The following RBFOX1 variants were observed in gnomAD, a reference collection of about 807,000 sequenced individuals.
RBFOX1 encodes the protein RNA binding fox-1 homolog 1, also known as RNA binding protein fox-1 homolog 1.
In RBFOX1, 8 loss-of-function variants were observed where a neutral mutation model predicts 57.7. The ratio of observed to expected loss-of-function variants is 0.14; its 90% confidence interval spans 0.08 to 0.25. The LOEUF is 0.25. Ranked by LOEUF, RBFOX1 falls within the 10% of genes least tolerant of loss-of-function variation. The pLI is 1.00. For synonymous variants in RBFOX1, 326 were observed against 222.4 expected (o/e 1.47, Z -4.15); for missense variants, 611 against 548.5 (o/e 1.11, Z -1.14).
At chr16:5,373,346 C>T (rs1401632850) in intron 1 of RBFOX1, among the ~76,000 whole-genome samples, 1 of 152,116 alleles carries the variant, frequency 6.6e-6, no homozygotes, top group South Asian at 2.1e-4. Context: ...GGAGGAGGGA[C>T]CCGGTGGGAG....
intron 2 of RBFOX1, among the ~76,000 whole-genome samples, chr16:6,525,677 T>C (rs1400863469): frequency 6.6e-6 from 1 of 152,072 alleles, no homozygotes; most frequent in Non-Finnish European, 1.5e-5. Flanking sequence ...GATGGTGTCT[T>C]GTTGCTGTGT....
At chr16:6,884,378 C>G (rs1296656669) in intron 3 of RBFOX1, among the ~76,000 whole-genome samples, 3 of 152,118 alleles carry the variant, frequency 2.0e-5, no homozygotes, top group Non-Finnish European at 4.4e-5. Flanking sequence ...TTGCTCTGCC[C>G]TCAGTCAATG....
chr16:7,268,835 G>A (rs890231088), intron 4 of RBFOX1, among the ~76,000 whole-genome samples: 3 of 151,800 alleles, frequency 2.0e-5, no homozygotes, highest in East Asian at 1.9e-4. Context: ...TCAGGAGTTC[G>A]ATACCAGTTT....
intron 2 of RBFOX1, among the ~76,000 whole-genome samples, chr16:6,404,903 C>T (rs1031399603): frequency 6.6e-6 from 1 of 152,206 alleles, no homozygotes; most frequent in Admixed American, 6.5e-5. Context: ...AGAAGCCTGG[C>T]TATCCTAGCT....
intron 3 of RBFOX1, among the ~76,000 whole-genome samples, chr16:6,914,301 A>G (rs1015660631): frequency 6.6e-6 from 1 of 152,328 alleles, no homozygotes; most frequent in South Asian, 2.1e-4. Flanking sequence ...TTTCCGGGCT[A>G]GGAGGGACCT....
At chr16:5,478,863 A>G (rs1390142658) in intron 2 of RBFOX1, among the ~76,000 whole-genome samples, 3 of 152,006 alleles carry the variant, frequency 2.0e-5, no homozygotes, top group African/African-American at 2.4e-5. Flanking sequence ...CTAAGCTAAG[A>G]TCTCTGCTGC....
intron 1 of RBFOX1, among the ~76,000 whole-genome samples, chr16:5,263,349 G>T (rs1049394882): frequency 5.3e-5 from 8 of 152,096 alleles, no homozygotes; most frequent in African/African-American, 1.7e-4. Context: ...AACCTAATGC[G>T]ATGCAAACTT....
At chr16:5,290,989 T>A (rs1241563594) in intron 1 of RBFOX1, among the ~76,000 whole-genome samples, 1 of 152,174 alleles carries the variant, frequency 6.6e-6, no homozygotes, top group Non-Finnish European at 1.5e-5. Context: ...CGTGAGCCAC[T>A]GCGCTCAGCC....
intron 3 of RBFOX1, among the ~76,000 whole-genome samples, chr16:6,837,043 C>G (rs146020160): frequency 1.3e-5 from 2 of 152,094 alleles, no homozygotes; most frequent in Admixed American, 1.3e-4. Flanking sequence ...TACAGTAAGC[C>G]CAGGACAGGG....
At chr16:6,808,446 C>A (rs1264797715) in intron 3 of RBFOX1, among the ~76,000 whole-genome samples, 1 of 152,070 alleles carries the variant, frequency 6.6e-6, no homozygotes, top group East Asian at 1.9e-4. Context: ...AACTACATCC[C>A]AAGGATCTCA....
chr16:5,424,916 TTTCTTTC>T (rs1468553965), intron 1 of RBFOX1, among the ~76,000 whole-genome samples: 1 of 123,554 alleles, frequency 8.1e-6, no homozygotes, highest in Non-Finnish European at 1.6e-5. Flanking sequence ...TCTTTCTTTC[TTTCTTTC>T]TTTCTTTCTT....
intron 3 of RBFOX1, among the ~76,000 whole-genome samples, chr16:5,615,220 G>A (rs1049988480): frequency 3.3e-5 from 5 of 152,098 alleles, no homozygotes; most frequent in African/African-American, 1.2e-4. Context: ...TTGTACAGAT[G>A]GAGTCTCACT....
intron 14 of RBFOX1, chr16:7,693,319 C>G: frequency 6.2e-7 from 1 of 1,612,858 alleles, no homozygotes; most frequent in Non-Finnish European, 8.5e-7. Flanking sequence ...TTCCAGAAAT[C>G]AGTTCGTCTT....
At chr16:7,006,624 G>A (rs868105693) in intron 3 of RBFOX1, among the ~76,000 whole-genome samples, 3 of 151,942 alleles carry the variant, frequency 2.0e-5, no homozygotes, top group African/African-American at 4.8e-5. Context: ...TTGGTTTCGG[G>A]TTTTATAGAG....
rs549086315 is a variant in RBFOX1, at chr16:7,435,751, T to A, written c.28-82396T>A. Among the ~76,000 whole-genome samples the A allele has an allele frequency of 2.0e-5, 3 of 152,284 alleles. No individual in the cohort carries two copies. The South Asian group carries it at 6.2e-4, about 32-fold the overall frequency. Reference sequence around the variant, plus strand: ...AGTTGCAGGGCTAAATAATTTTCTTTAAAGAGCTTCATCATCCAGGCAAAC... The same window carrying A: ...AGTTGCAGGGCTAAATAATTTTCTTAAAAGAGCTTCATCATCCAGGCAAAC... On this transcript the variant is annotated intron_variant, in intron 4 of 15. Transcript: ENST00000550418.
At position 6,211,227 on chromosome 16, in the gene RBFOX1, A is replaced by ATTTTTT. The variant is rs140569689; in HGVS notation, c.-126-105768_-126-105767insTTTTTT. On this transcript the variant is annotated intron_variant, in intron 1 of 15. Coordinates refer to ENST00000550418, the MANE Select transcript of RBFOX1 (RefSeq NM_018723.4). The stretch of plus-strand genomic sequence containing the variant: ...TTGGTTAGTGCCTGAAATCTAGTTA[A>ATTTTTT]CTTTTTTTTTTTTTTTTTTGGGATG... Among the ~76,000 whole-genome samples, 99 of 105,248 alleles carry ATTTTTT rather than the reference A, an allele frequency of 9.4e-4. 1 individual carries two copies. The highest frequency in any genetic ancestry group is 1.2e-3 in the Non-Finnish European group (58 of 47,660). 69.0% of individuals were successfully genotyped at this position (105,248 alleles called of 152,430 possible).
chr16:5,335,805 T>G (rs993911310), intron 1 of RBFOX1, among the ~76,000 whole-genome samples: 4 of 152,126 alleles, frequency 2.6e-5, no homozygotes, highest in African/African-American at 9.7e-5. Flanking sequence ...CAGTAAATAT[T>G]CCTTGTGTGC....
chr16:5,701,760 T>G (rs1033773114), intron 3 of RBFOX1, among the ~76,000 whole-genome samples: 1 of 152,214 alleles, frequency 6.6e-6, no homozygotes, highest in African/African-American at 2.4e-5. Flanking sequence ...GATGACCATC[T>G]TACCAGAGGC....
At chr16:5,443,319 C>T (rs571706975) in intron 1 of RBFOX1, among the ~76,000 whole-genome samples, 1 of 152,208 alleles carries the variant, frequency 6.6e-6, no homozygotes, top group East Asian at 1.9e-4. Flanking sequence ...CTCCTCATGT[C>T]ACCTACCATC....
Sources: allele counts gnomAD v4.1 joint callset (sites outside exome capture counted in the v4.1 genomes callset), GRCh38; gene constraint gnomAD v4.1.1; transcripts MANE v1.5; gene names NCBI Gene and HGNC (gene_info 2026-07-23, HGNC 2026-07-21).